Variants in ARL3 observed in about 807,000 individuals in gnomAD.
ARL3 encodes the protein ADP-ribosylation factor-like protein 3.
A neutral mutation model predicts 26.0 loss-of-function variants in ARL3; 9 were observed. That is an observed-to-expected ratio of 0.35 (90% CI 0.21 to 0.60). The LOEUF (loss-of-function observed/expected upper bound fraction) is 0.60, where lower values mean the gene tolerates loss of function less well. Ranked by LOEUF, ARL3 falls within the 20% of genes least tolerant of loss-of-function variation. The probability of loss-of-function intolerance (pLI) is 0.78; values close to 1 mark genes in which losing one functional copy is unlikely to be tolerated. For missense variants in ARL3, 158 were observed against 215.7 expected, an observed-to-expected ratio of 0.73 and a Z score of 1.67; for synonymous variants, 71 against 78.4, an observed-to-expected ratio of 0.91 and a Z score of 0.50.
At chr10:102,689,991 G>C (rs1290431565) in intron 3 of ARL3, 48 bp from the exon 4 acceptor site, 1 of 1,314,204 alleles carries the variant, frequency 7.6e-7, no homozygotes, top group Non-Finnish European at 1.1e-6. Flanking sequence ...AGATGGAAAA[G>C]ACAGGGCAAT....
At chr10:102,699,325 C>T (rs762636115) in intron 3 of ARL3, 48 bp downstream of exon 3, 4 of 1,003,252 alleles carry the variant, frequency 4.0e-6, no homozygotes, top group Non-Finnish European at 5.7e-6. Context: ...ATGTTTCTAA[C>T]ACATGGCAGA....
intron 1 of ARL3, among the ~76,000 whole-genome samples, chr10:102,706,560 T>C (rs2064312204): frequency 6.6e-6 from 1 of 152,218 alleles, no homozygotes; most frequent in Non-Finnish European, 1.5e-5. Context: ...GTATAGATAA[T>C]CTGTGTTTTT....
Position 102,699,495 on chromosome 10 carries a change from A to T in ARL3, c.148-6T>A, listed in dbSNP as rs2064266640. The T allele has an allele frequency of 6.6e-7, 1 of 1,518,902 alleles. No individual in the cohort carries two copies. The highest frequency in any genetic ancestry group is 9.1e-7 in the Non-Finnish European group (1 of 1,098,998). The allele number at this position is 1,518,902 out of a possible 1,614,324, so 94.1% of individuals were successfully genotyped here. On this transcript the variant is annotated splice_region_variant and splice_polypyrimidine_tract_variant and intron_variant, in intron 2 of 5. Transcript: ENST00000260746. Reference sequence around the variant, plus strand: ...ACACTTTTGATGTTGAAACCCTGAAACAGGGACAAAAACATCAAGTTTTAT... The same window carrying T: ...ACACTTTTGATGTTGAAACCCTGAATCAGGGACAAAAACATCAAGTTTTAT...
rs553536158 is a variant in ARL3 at position 102,706,862 on chromosome 10, G to A, written c.4-1373C>T. On this transcript the variant is annotated intron_variant, in intron 1 of 5. Coordinates refer to ENST00000260746, the MANE Select transcript of ARL3 (RefSeq NM_004311.4). ...AATTTTTATATTTTTAGTAGAGATG[G>A]GGTTTCGCCATGTTAGCCAGGCTGG... Among the ~76,000 whole-genome samples the A allele has an allele frequency of 9.1e-4, 138 of 152,140 alleles. 1 individual carries two copies. Among genetic ancestry groups the A allele is most frequent in the Non-Finnish European group, 3.1e-4 (21 of 67,986 alleles).
Position 102,676,662 on chromosome 10 carries a change from A to G in ARL3, c.*232T>C, listed in dbSNP as rs1395703806. 1.5e-5 allele frequency: 7 copies of G among 452,782 alleles called. No homozygotes were observed. The highest frequency in any genetic ancestry group is 8.4e-5 in the South Asian group (3 of 35,630). The allele number at this position is 452,782 out of a possible 1,614,324, so 28.0% of individuals were successfully genotyped here. A position where few individuals can be genotyped will look rare whatever the true frequency, so the allele number is the denominator to read the frequency against. On this transcript the variant is annotated 3_prime_UTR_variant, in exon 6 of 6. Coordinates refer to ENST00000260746, the MANE Select transcript of ARL3 (RefSeq NM_004311.4). ...CTTTGAGACATTTAATACTATTTCA[A>G]TTATGCAGAGGAAATAATATAATTC...
At chr10:102,695,476 C>T (rs752161136) in intron 3 of ARL3, among the ~76,000 whole-genome samples, 2 of 152,156 alleles carry the variant, frequency 1.3e-5, no homozygotes, top group African/African-American at 4.8e-5. Context: ...ATCCTGCAGC[C>T]TTGGTATGAT....
chr10:102,686,719 C>A (rs754869298), intron 4 of ARL3, among the ~76,000 whole-genome samples: 2 of 151,930 alleles, frequency 1.3e-5, no homozygotes, highest in East Asian at 1.9e-4. Context: ...CCCGCCTTGG[C>A]CTCCCAAAGT....
At chr10:102,705,255 G>A in intron 2 of ARL3, 91 bp downstream of exon 2, 1 of 1,393,194 alleles carries the variant, frequency 7.2e-7, no homozygotes, top group East Asian at 2.5e-5. Flanking sequence ...AAACTTGGAA[G>A]TGGACAAAAC....
At chr10:102,687,286 T>C (rs1222036510) in intron 4 of ARL3, among the ~76,000 whole-genome samples, 3 of 151,828 alleles carry the variant, frequency 2.0e-5, no homozygotes, top group Non-Finnish European at 4.4e-5. Context: ...CAGGCTGGAG[T>C]GCAGTGGTGC....
At chr10:102,684,805 A>AT (rs1382847178) in intron 5 of ARL3, among the ~76,000 whole-genome samples, 4 of 151,156 alleles carry the variant, frequency 2.6e-5, no homozygotes, top group Non-Finnish European at 4.4e-5. Flanking sequence ...TGTCCGGCTG[A>AT]TTTTTTTTGT....
At chr10:102,701,481 TAACAC>T (rs2064279118) in intron 2 of ARL3, among the ~76,000 whole-genome samples, 1 of 152,180 alleles carries the variant, frequency 6.6e-6, no homozygotes, top group South Asian at 2.1e-4. Flanking sequence ...CTCACTTCTC[TAACAC>T]GCCAATGACT....
rs2135992357 is a variant in ARL3 at position 102,674,446 on chromosome 10, GAGCACATATC to G, written c.*2438_*2447del. On this transcript the variant is annotated 3_prime_UTR_variant, in exon 6 of 6. Transcript: ENST00000260746. Reference sequence around the variant, plus strand: ...CTCGAGTTTTTCCCACAACTGGCTTGAGCACATATCACGAGCACCCCCCAGGCCTTGCCTG... The same window carrying G: ...CTCGAGTTTTTCCCACAACTGGCTTGACGAGCACCCCCCAGGCCTTGCCTG... The G allele has an allele frequency of 6.6e-6, 1 of 152,374 alleles. No individual in the cohort carries two copies. Among genetic ancestry groups the G allele is most frequent in the South Asian group, 2.1e-4 (1 of 4,828 alleles). The allele number at this position is 152,374 out of a possible 1,614,324, so 9.4% of individuals were successfully genotyped here.
At chr10:102,689,515 C>T (rs894233121) in intron 4 of ARL3, among the ~76,000 whole-genome samples, 1 of 151,454 alleles carries the variant, frequency 6.6e-6, no homozygotes, top group African/African-American at 2.4e-5. Flanking sequence ...TGGGAACTAT[C>T]TCAACAGAAG....
chr10:102,676,140 C>T lies in ARL3; in HGVS notation c.*754G>A, dbSNP rs867678208. 1 of 140,444 alleles carries T rather than the reference C, an allele frequency of 7.1e-6. No homozygotes were observed. The highest frequency in any genetic ancestry group is 1.5e-5 in the Non-Finnish European group (1 of 65,678). 8.7% of individuals were successfully genotyped at this position (140,444 alleles called of 1,614,324 possible). A position where few individuals can be genotyped will look rare whatever the true frequency, so the allele number is the denominator to read the frequency against. On this transcript the variant is annotated 3_prime_UTR_variant, in exon 6 of 6. Coordinates refer to ENST00000260746, the MANE Select transcript of ARL3 (RefSeq NM_004311.4). ...GAATTAAACCTCCCACCTCTCCTTA[C>T]ATTCCAGATGTCATTACAGTCAAAA...
At chr10:102,707,987 A>C (rs2064318459) in intron 1 of ARL3, among the ~76,000 whole-genome samples, 2 of 151,872 alleles carry the variant, frequency 1.3e-5, no homozygotes, top group Non-Finnish European at 1.5e-5. Flanking sequence ...GAACACGGCT[A>C]ACTGCAGCTT....
chr10:102,685,985 A>C lies in ARL3; in HGVS notation c.332T>G (p.Leu111Arg). The C allele has an allele frequency of 6.2e-7, 1 of 1,613,408 alleles. No individual in the cohort carries two copies. ...EETGQELAEL[L>R]EEEKLSCVPV... is the part of the protein sequence containing the mutation. ...CACACAACTTAGTTTTTCTTCCTCC[A>C]GTAATTCCGCTAGTTCCTGGATTTT... The change falls in exon 5 of 6, where the codon CTG (leucine) becomes CGG (arginine). Residue 111 changes from leucine (L) to arginine (R), a missense_variant. Coordinates refer to ENST00000260746, the MANE Select transcript of ARL3 (RefSeq NM_004311.4).
At chr10:102,695,728 G>A (rs1439632929) in intron 3 of ARL3, among the ~76,000 whole-genome samples, 1 of 152,186 alleles carries the variant, frequency 6.6e-6, no homozygotes, top group African/African-American at 2.4e-5. Flanking sequence ...TGTTGGTCAA[G>A]CTGGTCTCGA....
At chr10:102,697,093 T>C (rs762414330) in intron 3 of ARL3, among the ~76,000 whole-genome samples, 3 of 152,090 alleles carry the variant, frequency 2.0e-5, no homozygotes, top group Non-Finnish European at 2.9e-5. Flanking sequence ...AAAACAATGG[T>C]AAGTATTTAT....
At chr10:102,680,409 A>G (rs543449153) in intron 5 of ARL3, among the ~76,000 whole-genome samples, 178 of 152,336 alleles carry the variant, frequency 1.2e-3, no homozygotes, top group Middle Eastern at 6.8e-3. Context: ...CTTCAATTCA[A>G]TAACAGAGAC....
Sources: gnomAD v4.1 joint callset for allele counts (sites outside exome capture counted in the v4.1 genomes callset) on GRCh38, gnomAD v4.1.1 for gene constraint, MANE v1.5 for transcripts, NCBI Gene and HGNC (gene_info 2026-07-23, HGNC 2026-07-21) for gene names.